LAIR2: variants seen among roughly 807,000 people sequenced by gnomAD.
The protein encoded by LAIR2 is leukocyte-associated immunoglobulin-like receptor 2.
In LAIR2, 14 loss-of-function variants were observed where a neutral mutation model predicts 14.8. The ratio of observed to expected loss-of-function variants is 0.95; its 90% CI spans 0.62 to 1.48. The LOEUF (loss-of-function observed/expected upper bound fraction) is 1.48, where lower values mean the gene tolerates loss of function less well. LAIR2 is among the 40% of genes most tolerant of loss of function. LAIR2 has a pLI of 0.00. For synonymous variants in LAIR2, 75 were observed against 74.5 expected, an observed-to-expected ratio of 1.01 and a Z score of -0.03; for missense variants, 172 against 180.9, an observed-to-expected ratio of 0.95 and a Z score of 0.28.
rs2085414314 is a variant in LAIR2, at chr19:54,508,773, GT to G, written c.365-261del. Among the ~76,000 whole-genome samples, 4 of 152,166 alleles carry G rather than the reference GT, an allele frequency of 2.6e-5. No individual in the cohort carries two copies. The South Asian group carries it at 8.3e-4, about 31-fold the overall frequency. ...TGGAGAGGATCCAACCCATCTTCAT[GT>G]CCCCCCAGGACCTCAGCAGTCCCCT... is the stretch of plus-strand genomic sequence containing the variant. On this transcript the variant is annotated intron_variant, in intron 3 of 4. Transcript: ENST00000301202.
Position 54,510,509 on chromosome 19 carries a change from G to A in LAIR2, c.416-17G>A. On this transcript the variant is annotated splice_polypyrimidine_tract_variant and intron_variant, in intron 4 of 4. Coordinates refer to ENST00000301202, the MANE Select transcript of LAIR2 (RefSeq NM_002288.6). ...GGATGCTCCTATTAATACTGAGGAA[G>A]TATTTTGTCCTCACAGGGACTGTGC... 1 of 1,605,204 alleles carries A rather than the reference G, an allele frequency of 6.2e-7. No homozygotes were observed. The highest frequency in any genetic ancestry group is 1.1e-5 in the South Asian group (1 of 90,848).
In LAIR2 at chr19:54,503,747, C is replaced by T. The variant is rs1453809605; in HGVS notation, c.70+12C>T. The stretch of plus-strand genomic sequence containing the variant: ...CCACACGCAGGAGGGTAAGTCATGC[C>T]TTCGTCCCGTCTTCCCAGTCCCCTC... On this transcript the variant is annotated intron_variant, in intron 2 of 4. Coordinates refer to ENST00000301202, the MANE Select transcript of LAIR2 (RefSeq NM_002288.6). 6.2e-6 allele frequency: 10 copies of T among 1,613,942 alleles called. No homozygotes were observed. Among genetic ancestry groups the T allele is most frequent in the African/African-American group, 1.3e-5 (1 of 74,874 alleles).
At chr19:54,505,488 C>G in intron 2 of LAIR2, among the ~76,000 whole-genome samples, 1 of 152,176 alleles carries the variant, frequency 6.6e-6, no homozygotes. Flanking sequence ...CCTGTCCATG[C>G]CACTGCTGCC....
chr19:54,508,965 G>A (rs2085418991), intron 3 of LAIR2, 70 bp from the exon 4 acceptor site: 1 of 485,864 alleles, frequency 2.1e-6, no homozygotes, highest in Non-Finnish European at 3.8e-6. Flanking sequence ...CCTTTGGATG[G>A]GGGCTCAGGG....
In LAIR2 at chr19:54,507,892, G is replaced by C. The variant is rs1272016125; in HGVS notation, c.72G>C (p.Gly24=). Residue 24 remains glycine (G), a splice_region_variant and synonymous_variant, in exon 3 of 5, where the codon GGG becomes GGC. Coordinates refer to ENST00000301202, the MANE Select transcript of LAIR2 (RefSeq NM_002288.6). ...GATCCTTCTTTGCTTCCCTCTTAGG[G>C]GCCCTTCCCAGACCCTCCATCTCGG... The part of the protein sequence containing the change: ...CLAQTIHTQE[G]ALPRPSISAE... 3 of 1,613,110 alleles carry C rather than the reference G, an allele frequency of 1.9e-6. No homozygotes were observed. Among genetic ancestry groups the C allele is most frequent in the East Asian group, 4.5e-5 (2 of 44,842 alleles).
chr19:54,506,539 T>G (rs2085367070), intron 2 of LAIR2, among the ~76,000 whole-genome samples: 1 of 152,108 alleles, frequency 6.6e-6, no homozygotes, highest in Non-Finnish European at 1.5e-5. Flanking sequence ...GGAGGTCAGC[T>G]CCACCGCCCA....
intron 2 of LAIR2, among the ~76,000 whole-genome samples, chr19:54,506,107 G>A (rs1328441459): frequency 6.6e-6 from 1 of 152,110 alleles, no homozygotes; most frequent in Non-Finnish European, 1.5e-5. Context: ...TTACAGGTGT[G>A]AGACACCGCG....
chr19:54,507,350 G>T (rs1485586882), intron 2 of LAIR2, among the ~76,000 whole-genome samples: 1 of 151,506 alleles, frequency 6.6e-6, no homozygotes, highest in African/African-American at 2.4e-5. Flanking sequence ...CTGGGCATCT[G>T]CTGTGAGCAG....
Position 54,502,903 on chromosome 19 carries a change from T to A in LAIR2, c.-16T>A, listed in dbSNP as rs1322807097. ...CTGTCTGCTTGTGTCTGCTGCAGAG[T>A]TCTGGGACCGGGGCCATGTCTCCAC... On this transcript the variant is annotated 5_prime_UTR_variant, in exon 1 of 5. Coordinates refer to ENST00000301202, the MANE Select transcript of LAIR2 (RefSeq NM_002288.6). 6.2e-7 allele frequency: 1 copy of A among 1,613,782 alleles called. No homozygotes were observed. Among genetic ancestry groups the A allele is most frequent in the Non-Finnish European group, 8.5e-7 (1 of 1,179,932 alleles).
At chr19:54,506,473 GT>G (rs1157166884) in intron 2 of LAIR2, among the ~76,000 whole-genome samples, 2 of 152,148 alleles carry the variant, frequency 1.3e-5, no homozygotes, top group East Asian at 3.9e-4. Context: ...AGCTCAGGGA[GT>G]TTCTACTCCT....
At chr19:54,510,312 C>T (rs2085446706) in intron 4 of LAIR2, among the ~76,000 whole-genome samples, 1 of 151,056 alleles carries the variant, frequency 6.6e-6, no homozygotes, top group Admixed American at 6.6e-5. Context: ...GGTGGTTCTG[C>T]CACCCCCTGG....
intron 2 of LAIR2, among the ~76,000 whole-genome samples, chr19:54,505,490 A>C (rs905261927): frequency 4.6e-5 from 7 of 151,960 alleles, no homozygotes; most frequent in Non-Finnish European, 8.8e-5. Flanking sequence ...TGTCCATGCC[A>C]CTGCTGCCTG....
Position 54,508,057 on chromosome 19 carries a change from A to C in LAIR2, c.237A>C (p.Pro79=). Residue 79 remains proline (P), a synonymous_variant, in exon 3 of 5, where the codon CCA becomes CCC. Coordinates refer to ENST00000301202, the MANE Select transcript of LAIR2 (RefSeq NM_002288.6). ...GTTATAATGTGTTTCGACTTGGTCC[A>C]TCTGAGTCAGAGGCCAGATTCCACA... ...KDSYNVFRLG[P]SESEARFHID... 6.2e-7 allele frequency: 1 copy of C among 1,614,230 alleles called. No homozygotes were observed. The highest frequency in any genetic ancestry group is 8.5e-7 in the Non-Finnish European group (1 of 1,180,018).
intron 3 of LAIR2, 30 bp downstream of exon 3, chr19:54,508,214 T>A (rs1249314166): frequency 1.3e-6 from 2 of 1,590,546 alleles, no homozygotes; most frequent in East Asian, 4.5e-5. Flanking sequence ...CCTGCCCCAG[T>A]CTCAGCTCGA....
chr19:54,503,208 C>T (rs1190751503), intron 1 of LAIR2, among the ~76,000 whole-genome samples: 3 of 151,872 alleles, frequency 2.0e-5, no homozygotes, highest in African/African-American at 2.4e-5. Context: ...CACCTGTAAT[C>T]CTAGCACTTT....
intron 4 of LAIR2, among the ~76,000 whole-genome samples, chr19:54,509,876 G>C (rs971170893): frequency 1.3e-5 from 2 of 150,616 alleles, no homozygotes; most frequent in African/African-American, 4.8e-5. Flanking sequence ...ACTGCCAGGG[G>C]AGGACACGGG....
At position 54,507,920 on chromosome 19, in the gene LAIR2, G is replaced by A; in HGVS notation, c.100G>A (p.Glu34Lys). ...GALPRPSISA[E>K]PGTVISPGSH... is the part of the protein sequence containing the mutation. ...CCTTCCCAGACCCTCCATCTCGGCTGAGCCAGGCACTGTGATCTCCCCGGG... is the reference window on the plus strand; with the variant it reads ...CCTTCCCAGACCCTCCATCTCGGCTAAGCCAGGCACTGTGATCTCCCCGGG... The change falls in exon 3 of 5, where the codon GAG becomes AAG. Residue 34 changes from glutamate (E) to lysine (K), a missense_variant. By Grantham distance (56) the Glu-to-Lys change is moderately conservative (BLOSUM62 1). Coordinates refer to ENST00000301202, the MANE Select transcript of LAIR2 (RefSeq NM_002288.6). 2.5e-6 allele frequency: 4 copies of A among 1,614,138 alleles called. No homozygotes were observed. The highest frequency in any genetic ancestry group is 3.4e-6 in the Non-Finnish European group (4 of 1,180,012).
At chr19:54,504,890 A>G (rs2085336654) in intron 2 of LAIR2, among the ~76,000 whole-genome samples, 2 of 152,174 alleles carry the variant, frequency 1.3e-5, no homozygotes, top group South Asian at 4.1e-4. Flanking sequence ...GATTACAGGT[A>G]TGAGCCACTG....
At chr19:54,505,191 C>G (rs2085342861) in intron 2 of LAIR2, among the ~76,000 whole-genome samples, 1 of 152,144 alleles carries the variant, frequency 6.6e-6, no homozygotes, top group Non-Finnish European at 1.5e-5. Flanking sequence ...CACCGATTTC[C>G]ACAATGAGAA....
Sources: allele counts gnomAD v4.1 joint callset (sites outside exome capture counted in the v4.1 genomes callset), GRCh38; gene constraint gnomAD v4.1.1; transcripts MANE v1.5; gene names NCBI Gene and HGNC (gene_info 2026-07-23, HGNC 2026-07-21).